Variants in MIA2 observed in about 807,000 individuals in gnomAD.
MIA2 encodes MIA SH3 domain ER export factor 2, also known as melanoma inhibitory activity protein 2.
In MIA2, 127 loss-of-function variants were observed where a neutral mutation model predicts 167.8. The ratio of observed to expected loss-of-function variants is 0.76; its 90% CI spans 0.66 to 0.88. The LOEUF (loss-of-function observed/expected upper bound fraction) is 0.88, where lower values mean the gene tolerates loss of function less well. MIA2 is among the 40% of genes least tolerant of loss of function. MIA2 has a pLI of 0.00. For missense variants in MIA2, 1,690 were observed against 1,624.7 expected, an observed-to-expected ratio of 1.04 and a Z score of -0.69; for synonymous variants, 552 against 541.9, an observed-to-expected ratio of 1.02 and a Z score of -0.26.
chr14:39,326,932 A>G lies in MIA2; in HGVS notation c.3565A>G (p.Arg1189Gly). The G allele has an allele frequency of 3.1e-6, 5 of 1,598,290 alleles. No individual in the cohort carries two copies. Among genetic ancestry groups the G allele is most frequent in the Non-Finnish European group, 4.3e-6 (5 of 1,173,190 alleles). ...TNERGESSCD[R>G]LTDPHRAPSD... Reference sequence around the variant, plus strand: ...TGAAAGAGGAGAATCAAGCTGTGATAGGTTAACCGATCCTCATAGGGCTCC... The same window carrying G: ...TGAAAGAGGAGAATCAAGCTGTGATGGGTTAACCGATCCTCATAGGGCTCC... Residue 1189 changes from arginine (R) to glycine (G), a missense_variant, in exon 25 of 29, where the codon AGG (arginine) becomes GGG (glycine). Transcript: ENST00000640607.
rs139986425 is a variant in MIA2, at chr14:39,359,370, T to G, written c.2248+10393T>G. ...TTGAGCCAGGCGTGGGATATAATCT[T>G]CTGGTGTGCCGTTTGATAAGACCGT... On this transcript the variant is annotated intron_variant, in intron 23 of 23. Transcript: ENST00000341502. 1.4e-3 allele frequency among the ~76,000 whole-genome samples: 206 copies of G among 152,276 alleles called. 1 individual carries two copies. The highest frequency in any genetic ancestry group is 4.5e-3 in the African/African-American group (189 of 41,546).
At chr14:39,365,035 GTTTTCT>G (rs2074788199) in intron 23 of MIA2, among the ~76,000 whole-genome samples, 1 of 151,362 alleles carries the variant, frequency 6.6e-6, no homozygotes, top group Non-Finnish European at 1.5e-5. Flanking sequence ...TATTAAATAG[GTTTTCT>G]TTTTCTTTTT....
In MIA2 at chr14:39,288,477, T is replaced by G. The variant is rs868494088; in HGVS notation, c.2131-2542T>G. ...TATATATATATATATATATATATAT[T>G]TTTTTTTTTTTTTTTGAGACGGAGT... On this transcript the variant is annotated intron_variant, in intron 9 of 28. Coordinates refer to ENST00000640607, the MANE Select transcript of MIA2 (RefSeq NM_001329214.4). Among the ~76,000 whole-genome samples the G allele has an allele frequency of 1.6e-4, 10 of 61,768 alleles. 2 individuals are homozygous for G. The highest frequency in any genetic ancestry group is 8.7e-4 in the East Asian group (2 of 2,300). 40.5% of individuals were successfully genotyped at this position (61,768 alleles called of 152,430 possible). A position where few individuals can be genotyped will look rare whatever the true frequency, so the allele number is the denominator to read the frequency against.
In MIA2 at chr14:39,337,238, T is replaced by C. The variant is rs987003362; in HGVS notation, c.3656-8666T>C. Among the ~76,000 whole-genome samples the C allele has an allele frequency of 1.2e-4, 19 of 152,286 alleles. No homozygotes were observed. In the South Asian group the frequency reaches 2.5e-3, roughly 20 times the overall value. ...GAAAGAAAATGAGGTCAAGAAGATA[T>C]AGCAAATGTTAAATGTGTGTATGCC... On this transcript the variant is annotated intron_variant, in intron 25 of 28. Coordinates refer to ENST00000640607, the MANE Select transcript of MIA2 (RefSeq NM_001329214.4).
chr14:39,370,905 G>C (rs982138207), intron 23 of MIA2: 2 of 152,308 alleles, frequency 1.3e-5, no homozygotes, highest in Non-Finnish European at 2.9e-5. Context: ...TCAGATAGAA[G>C]AAAAATCAAT....
rs1452676405 is a variant in MIA2 at position 39,388,211 on chromosome 14, T to C, written c.*1259T>C. The C allele has an allele frequency of 2.0e-5, 3 of 152,266 alleles. No individual in the cohort carries two copies. The highest frequency in any genetic ancestry group is 7.2e-5 in the African/African-American group (3 of 41,472). The allele number at this position is 152,266 out of a possible 1,614,324, so 9.4% of individuals were successfully genotyped here. A position where few individuals can be genotyped will look rare whatever the true frequency, so the allele number is the denominator to read the frequency against. On this transcript the variant is annotated 3_prime_UTR_variant, in exon 24 of 24. Transcript: ENST00000341502. The surrounding 1 kb of genome is among the most constrained non-coding windows in gnomAD (Gnocchi z 4.1). Reference sequence around the variant, plus strand: ...TTTGGTCAATATACAAAGCTGTTGATAAAGTAAGGCATACCCATGTAGAGT... The same window carrying C: ...TTTGGTCAATATACAAAGCTGTTGACAAAGTAAGGCATACCCATGTAGAGT...
intron 25 of MIA2, among the ~76,000 whole-genome samples, chr14:39,341,089 G>C (rs1041098154): frequency 6.6e-6 from 1 of 152,064 alleles, no homozygotes; most frequent in Non-Finnish European, 1.5e-5. Context: ...ATCACCTGAG[G>C]TCAGAAGTTC....
Position 39,263,726 on chromosome 14 carries a change from G to A in MIA2, c.1887+10555G>A, listed in dbSNP as rs113923870. ...AGCTCACTGCAATCTCGGCCTCCTG[G>A]GTTCAAATGATTTTCCTGCCTTAGC... On this transcript the variant is annotated intron_variant, in intron 6 of 28. Transcript: ENST00000640607. Among the ~76,000 whole-genome samples the A allele has an allele frequency of 4.7e-5, 7 of 150,306 alleles. 1 individual carries two copies. The highest frequency in any genetic ancestry group is 1.2e-4 in the African/African-American group (5 of 40,816).
chr14:39,312,122 C>T (rs973456751), intron 18 of MIA2, among the ~76,000 whole-genome samples: 3 of 152,134 alleles, frequency 2.0e-5, no homozygotes, highest in Non-Finnish European at 2.9e-5. Context: ...GCCACTGCAC[C>T]CGACCAAGAT....
intron 1 of MIA2, among the ~76,000 whole-genome samples, chr14:39,234,510 A>G (rs962482592): frequency 6.6e-6 from 1 of 152,112 alleles, no homozygotes; most frequent in African/African-American, 2.4e-5. Context: ...TTAATCTAGG[A>G]GTCTCTGAGC....
intron 23 of MIA2, among the ~76,000 whole-genome samples, chr14:39,360,877 A>T (rs147763901): frequency 6.6e-6 from 1 of 152,200 alleles, no homozygotes; most frequent in Non-Finnish European, 1.5e-5. Context: ...GCATATGGAT[A>T]TCCAGTTTTC....
intron 9 of MIA2, among the ~76,000 whole-genome samples, chr14:39,281,619 G>T (rs1217892766): frequency 4.7e-4 from 63 of 133,302 alleles, no homozygotes; most frequent in Middle Eastern, 3.9e-3. Context: ...TTTTGTTTTG[G>T]TTTTTTTTTT....
At position 39,247,049 on chromosome 14, in the gene MIA2, T is replaced by C. The variant is rs749803627; in HGVS notation, c.475T>C (p.Phe159Leu). ...AAAATCTAGTATATATGAAAGTGATTTTCAGATAGAACCTGGATTTTATGC... is the reference window on the plus strand; with the variant it reads ...AAAATCTAGTATATATGAAAGTGATCTTCAGATAGAACCTGGATTTTATGC... ...DEKSSIYESD[F>L]QIEPGFYATY... Residue 159 changes from phenylalanine (F) to leucine (L), a missense_variant, in exon 4 of 29, where the codon TTT becomes CTT. Transcript: ENST00000640607. The C allele has an allele frequency of 3.7e-6, 6 of 1,604,100 alleles. No homozygotes were observed. Among genetic ancestry groups the C allele is most frequent in the Non-Finnish European group, 5.1e-6 (6 of 1,177,538 alleles).
intron 23 of MIA2, among the ~76,000 whole-genome samples, chr14:39,383,890 A>G (rs978969582): frequency 6.6e-6 from 1 of 152,242 alleles, no homozygotes; most frequent in African/African-American, 2.4e-5. Context: ...TGATGCTAGC[A>G]GAGGTTGGTT....
intron 19 of MIA2, 36 bp downstream of exon 19, chr14:39,313,477 T>C: frequency 8.3e-7 from 1 of 1,208,172 alleles, no homozygotes; most frequent in Non-Finnish European, 1.2e-6. Context: ...TTTTTTGGAA[T>C]GGGAAGAGTA....
At position 39,350,458 on chromosome 14, in the gene MIA2, C is replaced by A; in HGVS notation, c.*194C>A. 4.7e-6 allele frequency: 2 copies of A among 428,616 alleles called. No homozygotes were observed. Among genetic ancestry groups the A allele is most frequent in the Non-Finnish European group, 8.3e-6 (2 of 240,566 alleles). The allele number at this position is 428,616 out of a possible 1,614,324, so 26.6% of individuals were successfully genotyped here. A position where few individuals can be genotyped will look rare whatever the true frequency, so the allele number is the denominator to read the frequency against. ...TAAATTATTTCAATTTTATTTTAGACGGTATAACTATTTCAATTTGATTAA... is the reference window on the plus strand; with the variant it reads ...TAAATTATTTCAATTTTATTTTAGAAGGTATAACTATTTCAATTTGATTAA... On this transcript the variant is annotated 3_prime_UTR_variant, in exon 29 of 29. Coordinates refer to ENST00000640607, the MANE Select transcript of MIA2 (RefSeq NM_001329214.4).
At chr14:39,282,161 G>T (rs547319118) in intron 9 of MIA2, among the ~76,000 whole-genome samples, 1 of 152,126 alleles carries the variant, frequency 6.6e-6, no homozygotes, top group South Asian at 2.1e-4. Context: ...GAAGCTGTGG[G>T]TGCTGTCGTC....
In MIA2 at chr14:39,280,654, A is replaced by AC. The variant is rs1476431465; in HGVS notation, c.2130+1119dup. On this transcript the variant is annotated intron_variant, in intron 9 of 28. Transcript: ENST00000640607. The stretch of plus-strand genomic sequence containing the variant: ...AGGCTGAGGCAGGAGAATGGCGTGA[A>AC]CCAGGAGACGGAGCTTGCAGTGAGC... Among the ~76,000 whole-genome samples the AC allele has an allele frequency of 3.3e-5, 5 of 152,144 alleles. No homozygotes were observed. The East Asian group carries it at 9.7e-4, about 29-fold the overall frequency.
At chr14:39,284,442 C>T (rs1032818763) in intron 9 of MIA2, among the ~76,000 whole-genome samples, 18 of 152,086 alleles carry the variant, frequency 1.2e-4, no homozygotes, top group African/African-American at 3.6e-4. Flanking sequence ...ACGTTGTTTT[C>T]GTGACTACAG....
Sources: allele counts gnomAD v4.1 joint callset (sites outside exome capture counted in the v4.1 genomes callset), GRCh38; gene constraint gnomAD v4.1.1; non-coding constraint Gnocchi (gnomAD v3.1); transcripts MANE v1.5; gene names NCBI Gene and HGNC (gene_info 2026-07-23, HGNC 2026-07-21).